Variants in DNER observed in about 807,000 individuals in gnomAD.
The protein encoded by DNER is delta/notch like EGF repeat containing.
A neutral mutation model predicts 78.2 loss-of-function variants in DNER; 33 were observed. The observed-to-expected ratio is 0.42, with a 90% CI of 0.32 to 0.56. The LOEUF (loss-of-function observed/expected upper bound fraction) is 0.56, where lower values mean the gene tolerates loss of function less well. Ranked by LOEUF, DNER falls within the 20% of genes least tolerant of loss-of-function variation. The pLI is 0.11. For missense variants in DNER, 918 were observed against 975.3 expected (o/e 0.94, Z 0.78); for synonymous variants, 417 against 384.8 (o/e 1.08, Z -0.98).
At chr2:229,449,221 G>C (rs767729254) in intron 7 of DNER, among the ~76,000 whole-genome samples, 3 of 152,052 alleles carry the variant, frequency 2.0e-5, no homozygotes, top group Non-Finnish European at 2.9e-5. Flanking sequence ...CCCATCATGA[G>C]ATATGTTCCA....
chr2:229,420,897 C>A (rs1474755695), intron 8 of DNER, among the ~76,000 whole-genome samples: 1 of 152,168 alleles, frequency 6.6e-6, no homozygotes, highest in African/African-American at 2.4e-5. Flanking sequence ...ACCACATGAT[C>A]CAGCAATTCC....
At chr2:229,656,174 A>C (rs1698908321) in intron 1 of DNER, among the ~76,000 whole-genome samples, 1 of 152,174 alleles carries the variant, frequency 6.6e-6, no homozygotes, top group Admixed American at 6.5e-5. Flanking sequence ...TAATTGTGAA[A>C]AGCCATCCTT....
Position 229,447,431 on chromosome 2 carries a change from G to A in DNER, c.1371C>T (p.Ser457=). 1 of 1,614,088 alleles carries A rather than the reference G, an allele frequency of 6.2e-7. No homozygotes were observed. ...CACAGGTCGGCCCTGTGAAGCCCGG[G>A]CTGCAGTTGCAGGTAAAGTGTACCC... The part of the protein sequence containing the change: ...VDGVHFTCNC[S]PGFTGPTCAQ... Residue 457 remains serine (S), a synonymous_variant, in exon 8 of 13, where the codon AGC becomes AGT. Transcript: ENST00000341772.
chr2:229,587,462 C>G (rs1184798532), intron 3 of DNER, among the ~76,000 whole-genome samples: 1 of 152,016 alleles, frequency 6.6e-6, no homozygotes, highest in Non-Finnish European at 1.5e-5. Flanking sequence ...AGTCCCTCTT[C>G]CAAACATGTT....
At chr2:229,467,714 G>A (rs867551233) in intron 7 of DNER, among the ~76,000 whole-genome samples, 20 of 152,280 alleles carry the variant, frequency 1.3e-4, no homozygotes, top group East Asian at 5.8e-4. Flanking sequence ...TATTTCTATC[G>A]TAAAGGATCT....
In DNER at chr2:229,508,880, CAAAA is replaced by C. The variant is rs1351739923; in HGVS notation, c.1147+3899_1147+3902del. Among the ~76,000 whole-genome samples, 8 of 122,546 alleles carry C rather than the reference CAAAA, an allele frequency of 6.5e-5. No homozygotes were observed. In the Admixed American group the frequency reaches 6.7e-4, roughly 10 times the overall value. The allele number at this position is 122,546 out of a possible 152,430, so 80.4% of individuals were successfully genotyped here. The stretch of plus-strand genomic sequence containing the variant: ...TGGGCGACAGAGTGAGACTCCATCT[CAAAA>C]AGAAAAGAAAAGAAAAGAAAAGAAA... On this transcript the variant is annotated intron_variant, in intron 6 of 12. Coordinates refer to ENST00000341772, the MANE Select transcript of DNER (RefSeq NM_139072.4).
At chr2:229,363,962 C>T (rs1402789779) in intron 12 of DNER, among the ~76,000 whole-genome samples, 1 of 135,694 alleles carries the variant, frequency 7.4e-6, no homozygotes, top group Non-Finnish European at 1.6e-5. Flanking sequence ...TCTTGGGCAC[C>T]AAAGAAACTT....
chr2:229,360,228 A>G (rs1692180815), intron 12 of DNER, among the ~76,000 whole-genome samples: 1 of 152,152 alleles, frequency 6.6e-6, no homozygotes, highest in African/African-American at 2.4e-5. Flanking sequence ...ACCTAGATAC[A>G]CCACCACTAA....
chr2:229,450,334 C>T (rs867018101), intron 7 of DNER, among the ~76,000 whole-genome samples: 1 of 152,034 alleles, frequency 6.6e-6, no homozygotes, highest in Non-Finnish European at 1.5e-5. Flanking sequence ...CTTATACCTA[C>T]GTTAGGAGCA....
chr2:229,428,664 G>A (rs1445411990), intron 8 of DNER, among the ~76,000 whole-genome samples: 1 of 130,082 alleles, frequency 7.7e-6, no homozygotes, highest in East Asian at 2.1e-4. Context: ...AAAAACGGAA[G>A]TGATTTGAAA....
At chr2:229,394,726 T>C (rs967841902) in intron 10 of DNER, among the ~76,000 whole-genome samples, 2 of 152,218 alleles carry the variant, frequency 1.3e-5, no homozygotes, top group African/African-American at 2.4e-5. Flanking sequence ...TGGCCACTTC[T>C]GTGGCCATTG....
At chr2:229,523,888 A>G (rs745565427) in intron 5 of DNER, among the ~76,000 whole-genome samples, 37 of 152,238 alleles carry the variant, frequency 2.4e-4, no homozygotes, top group Non-Finnish European at 4.6e-4. Flanking sequence ...AGAACTGACA[A>G]TCTAGTTAGA....
At chr2:229,646,161 G>C (rs576809774) in intron 1 of DNER, among the ~76,000 whole-genome samples, 1 of 152,250 alleles carries the variant, frequency 6.6e-6, no homozygotes, top group African/African-American at 2.4e-5. Flanking sequence ...AAAACCAGAG[G>C]TTATGCATCC....
chr2:229,493,399 G>A (rs1695442680), intron 6 of DNER, among the ~76,000 whole-genome samples: 1 of 152,154 alleles, frequency 6.6e-6, no homozygotes, highest in African/African-American at 2.4e-5. Flanking sequence ...TTTATAAAAT[G>A]TTAATAAATC....
intron 7 of DNER, among the ~76,000 whole-genome samples, chr2:229,457,865 C>T (rs571579902): frequency 2.0e-5 from 3 of 151,102 alleles, no homozygotes; most frequent in Non-Finnish European, 2.9e-5. Flanking sequence ...AGGACAGGTG[C>T]GGTGGCTTAC....
chr2:229,458,135 C>CAAAAAAAAAAAAAAA (rs61340733), intron 7 of DNER, among the ~76,000 whole-genome samples: 1 of 17,716 alleles, frequency 5.6e-5, no homozygotes, highest in African/African-American at 2.1e-4. Flanking sequence ...GACTCTATCT[C>CAAAAAAAAAAAAAAA]AAAAAAAAAA....
intron 1 of DNER, among the ~76,000 whole-genome samples, chr2:229,702,428 C>T (rs761185782): frequency 3.3e-5 from 5 of 151,910 alleles, no homozygotes; most frequent in Admixed American, 6.6e-5. Context: ...CCCAGCTACT[C>T]GAGAGGCTGA....
chr2:229,471,297 C>T (rs760310515), intron 7 of DNER, among the ~76,000 whole-genome samples: 4 of 151,958 alleles, frequency 2.6e-5, no homozygotes, highest in Non-Finnish European at 5.9e-5. Context: ...AGCATTACCA[C>T]TGAAATTTGA....
intron 7 of DNER, among the ~76,000 whole-genome samples, chr2:229,458,674 A>G (rs565670121): frequency 6.6e-6 from 1 of 152,082 alleles, no homozygotes; most frequent in South Asian, 2.1e-4. Flanking sequence ...ATCATACTCA[A>G]TGATGAAATA....
Sources: gnomAD v4.1 joint callset for allele counts (sites outside exome capture counted in the v4.1 genomes callset) on GRCh38, gnomAD v4.1.1 for gene constraint, MANE v1.5 for transcripts, NCBI Gene and HGNC (gene_info 2026-07-23, HGNC 2026-07-21) for gene names.